The following ARHGAP32 variants were observed in gnomAD, a reference collection of about 807,000 sequenced individuals.
ARHGAP32 encodes the protein Rho GTPase activating protein 32.
In ARHGAP32, 51 loss-of-function variants were observed where a neutral mutation model predicts 186.5. The ratio of observed to expected loss-of-function variants is 0.27; its 90% CI spans 0.22 to 0.35. ARHGAP32 has a LOEUF of 0.35. Among genes scored for constraint, ARHGAP32 ranks in the 10% least tolerant of loss-of-function variants. The probability of loss-of-function intolerance (pLI) is 1.00; values close to 1 mark genes in which losing one functional copy is unlikely to be tolerated. For synonymous variants in ARHGAP32, 950 were observed against 964.3 expected (o/e 0.99, Z 0.27); for missense variants, 2,186 against 2,623.5 (o/e 0.83, Z 3.64).
chr11:129,051,694 C>G (rs370807523), intron 10 of ARHGAP32, among the ~76,000 whole-genome samples: 1 of 151,752 alleles, frequency 6.6e-6, no homozygotes, highest in Non-Finnish European at 1.5e-5. Context: ...TGGTGGCTCA[C>G]GCCTGTAATC....
intron 1 of ARHGAP32, among the ~76,000 whole-genome samples, chr11:129,197,326 G>T (rs188706700): frequency 6.6e-6 from 1 of 152,156 alleles, no homozygotes; most frequent in Non-Finnish European, 1.5e-5. Context: ...CAGGGGAGGG[G>T]TATGGACAGG....
chr11:129,000,455 G>C (rs1192036059), intron 11 of ARHGAP32, among the ~76,000 whole-genome samples: 1 of 152,110 alleles, frequency 6.6e-6, no homozygotes, highest in African/African-American at 2.4e-5. Flanking sequence ...TGATTACTGA[G>C]AGTCTTACTG....
chr11:129,087,474 G>A (rs1941441440), intron 6 of ARHGAP32, among the ~76,000 whole-genome samples: 1 of 152,186 alleles, frequency 6.6e-6, no homozygotes, highest in South Asian at 2.1e-4. Context: ...ATATTACTAA[G>A]TGAAAGAAGC....
At chr11:129,263,695 AG>A (rs1565484334) in intron 1 of ARHGAP32, among the ~76,000 whole-genome samples, 1 of 151,914 alleles carries the variant, frequency 6.6e-6, no homozygotes, top group African/African-American at 2.4e-5. Context: ...AAAGAGAAAA[AG>A]AAAGAGGAAA....
chr11:129,220,117 GAA>G (rs1334574250), intron 1 of ARHGAP32, among the ~76,000 whole-genome samples: 1 of 152,134 alleles, frequency 6.6e-6, no homozygotes, highest in Non-Finnish European at 1.5e-5. Flanking sequence ...ACTTAACAAT[GAA>G]TATGTTTTCC....
chr11:129,174,345 G>C (rs893915911), intron 1 of ARHGAP32, among the ~76,000 whole-genome samples: 2 of 152,184 alleles, frequency 1.3e-5, no homozygotes, highest in Non-Finnish European at 2.9e-5. Flanking sequence ...CAAACTGCTA[G>C]GCGGCAGCAA....
intron 8 of ARHGAP32, among the ~76,000 whole-genome samples, chr11:129,064,448 A>G (rs1940620514): frequency 6.6e-6 from 1 of 152,092 alleles, no homozygotes; most frequent in South Asian, 2.1e-4. Context: ...TATGTAATCT[A>G]TTTACTGAAT....
chr11:129,102,512 C>T (rs1161064374), intron 5 of ARHGAP32, among the ~76,000 whole-genome samples: 1 of 152,096 alleles, frequency 6.6e-6, no homozygotes, highest in African/African-American at 2.4e-5. Flanking sequence ...TATCACCTAA[C>T]AACAACAAAA....
intron 6 of ARHGAP32, among the ~76,000 whole-genome samples, chr11:129,079,283 GATC>G (rs1296431999): frequency 1.3e-5 from 2 of 152,076 alleles, no homozygotes; most frequent in Admixed American, 6.6e-5. Context: ...ATCGCAAAAT[GATC>G]ATCACCTAGG....
chr11:129,220,233 T>C (rs1295713254), intron 1 of ARHGAP32, among the ~76,000 whole-genome samples: 2 of 152,138 alleles, frequency 1.3e-5, no homozygotes, highest in Non-Finnish European at 2.9e-5. Context: ...TATTCACCAT[T>C]TGGAGTGTCC....
At chr11:129,119,173 A>C (rs1489699840) in intron 5 of ARHGAP32, among the ~76,000 whole-genome samples, 2 of 151,988 alleles carry the variant, frequency 1.3e-5, no homozygotes, top group Non-Finnish European at 2.9e-5. Context: ...GCTGTCACCT[A>C]GTATTCTAGG....
Position 128,968,940 on chromosome 11 carries a change from C to A in ARHGAP32, c.6273G>T (p.Leu2091Phe), listed in dbSNP as rs893805558. Residue 2091 changes from leucine to phenylalanine, a missense_variant, in exon 23 of 23, where the codon TTG becomes TTT. Physicochemically the swap from Leu to Phe is conservative, Grantham distance 22. Around this residue, in one of 5 missense-constraint regions of ARHGAP32, gnomAD observed 1,502 missense variants for 1,570.0 expected, o/e 0.96. Transcript: ENST00000682385. Reference sequence around the variant, plus strand: ...CATGGATCTGTGTTTCAGGATGCTGCAAGGACAACTCTGCGGGCAGGAAGG... The same window carrying A: ...CATGGATCTGTGTTTCAGGATGCTGAAAGGACAACTCTGCGGGCAGGAAGG... ...QGAFLPAELS[L>F]QHPETQIHAE 1 of 1,549,670 alleles carries A rather than the reference C, an allele frequency of 6.5e-7. No individual in the cohort carries two copies. Among genetic ancestry groups the A allele is most frequent in the South Asian group, 1.2e-5 (1 of 81,532 alleles).
chr11:129,029,433 G>T (rs2134952510), intron 11 of ARHGAP32, among the ~76,000 whole-genome samples: 1 of 152,318 alleles, frequency 6.6e-6, no homozygotes, highest in South Asian at 2.1e-4. Context: ...TTACCATCAG[G>T]TGTCAGGAGA....
intron 11 of ARHGAP32, among the ~76,000 whole-genome samples, chr11:129,027,361 T>G (rs1938904981): frequency 6.6e-6 from 1 of 152,114 alleles, no homozygotes; most frequent in African/African-American, 2.4e-5. Context: ...AAACAAAAAC[T>G]GCTCAAAGTC....
chr11:129,231,166 T>G (rs1944854066), intron 1 of ARHGAP32, among the ~76,000 whole-genome samples: 1 of 152,042 alleles, frequency 6.6e-6, no homozygotes. Flanking sequence ...AAAAAGTAAT[T>G]TTTCATTTTT....
intron 1 of ARHGAP32, among the ~76,000 whole-genome samples, chr11:129,238,826 G>A (rs1385138268): frequency 2.7e-5 from 4 of 149,500 alleles, no homozygotes; most frequent in Non-Finnish European, 6.0e-5. Flanking sequence ...GCAATAAAGT[G>A]TTATTTTCAC....
chr11:129,204,893 A>G (rs908291919), intron 1 of ARHGAP32, among the ~76,000 whole-genome samples: 2 of 152,248 alleles, frequency 1.3e-5, no homozygotes, highest in South Asian at 4.1e-4. Context: ...TAATTCTTCA[A>G]TTTTATTTTC....
chr11:129,001,497 A>T (rs1946357702), intron 11 of ARHGAP32, among the ~76,000 whole-genome samples: 1 of 152,216 alleles, frequency 6.6e-6, no homozygotes, highest in South Asian at 2.1e-4. Context: ...AGCTACTTAT[A>T]TATTCCAGTT....
intron 5 of ARHGAP32, among the ~76,000 whole-genome samples, chr11:129,116,164 T>G (rs562335840): frequency 6.6e-6 from 1 of 152,170 alleles, no homozygotes; most frequent in East Asian, 1.9e-4. Context: ...GTGTGTAGTG[T>G]GTCTGTAGTT....
Sources: allele counts gnomAD v4.1 joint callset (sites outside exome capture counted in the v4.1 genomes callset), GRCh38; gene constraint gnomAD v4.1.1; regional missense constraint gnomAD v4.1.1; transcripts MANE v1.5; gene names NCBI Gene and HGNC (gene_info 2026-07-23, HGNC 2026-07-21).